Variants in SCAI observed in about 807,000 individuals in gnomAD.
The protein encoded by SCAI is suppressor of cancer cell invasion.
In SCAI, 24 loss-of-function variants were observed where a neutral mutation model predicts 92.2. The ratio of observed to expected loss-of-function variants is 0.26; its 90% CI spans 0.19 to 0.37. The LOEUF (loss-of-function observed/expected upper bound fraction) is 0.37, where lower values mean the gene tolerates loss of function less well. Ranked by LOEUF, SCAI falls within the 10% of genes least tolerant of loss-of-function variation. SCAI has a pLI of 1.00. For missense variants in SCAI, 450 were observed against 736.2 expected (o/e 0.61, Z 4.50); for synonymous variants, 261 against 258.6 (o/e 1.01, Z -0.09).
Position 125,143,420 on chromosome 9 carries a change from C to CCGGGCTCCTCTGACCAT in SCAI, c.1_17dup (p.Gln7TrpfsTer19), listed in dbSNP as rs1306603574. The CCGGGCTCCTCTGACCAT allele has an allele frequency of 7.1e-7, 1 of 1,399,396 alleles. No individual in the cohort carries two copies. The highest frequency in any genetic ancestry group is 1.5e-5 in the African/African-American group (1 of 67,002). 86.7% of individuals were successfully genotyped at this position (1,399,396 alleles called of 1,614,324 possible). ...GGCGACTCCGCGGCTGCTGGGGCTG[C>CCGGGCTCCTCTGACCAT]CGGGCTCCTCTGACCATCCGGCTCC... On this transcript the variant is annotated frameshift_variant, in exon 1 of 18. Coordinates refer to ENST00000336505, the MANE Select transcript of SCAI (RefSeq NM_001144877.3). LOFTEE classifies it high-confidence loss of function.
At chr9:125,104,551 A>G (rs948789406) in intron 2 of SCAI, among the ~76,000 whole-genome samples, 2 of 151,892 alleles carry the variant, frequency 1.3e-5, no homozygotes, top group Non-Finnish European at 2.9e-5. Context: ...AACAAAACAA[A>G]TATTGCACAA....
rs551878667 is a variant in SCAI, at chr9:124,989,973, G to A, written c.1326+4961C>T. On this transcript the variant is annotated intron_variant, in intron 14 of 17. Transcript: ENST00000336505. Reference sequence around the variant, plus strand: ...GTGAATCATCTGAGCTCAGGAGTTCGAGACCAGCCTGACCAACATGGAGAA... The same window carrying A: ...GTGAATCATCTGAGCTCAGGAGTTCAAGACCAGCCTGACCAACATGGAGAA... Among the ~76,000 whole-genome samples the A allele has an allele frequency of 6.6e-5, 10 of 151,350 alleles. No individual in the cohort carries two copies. In the South Asian group the frequency reaches 2.1e-3, roughly 32 times the overall value.
intron 14 of SCAI, among the ~76,000 whole-genome samples, chr9:124,991,722 A>G (rs1832128016): frequency 6.6e-6 from 1 of 152,002 alleles, no homozygotes; most frequent in Admixed American, 6.6e-5. Flanking sequence ...CTCTAGTCCC[A>G]GCTACTTGGG....
rs555743600 is a variant in SCAI at position 124,957,420 on chromosome 9, T to C, written c.1675-4467A>G. Among the ~76,000 whole-genome samples, 6 of 152,124 alleles carry C rather than the reference T, an allele frequency of 3.9e-5. No individual in the cohort carries two copies. The South Asian group carries it at 1.2e-3, about 32-fold the overall frequency. On this transcript the variant is annotated intron_variant, in intron 17 of 17. Transcript: ENST00000336505. ...CTCTGTTGCCCAGGCTGGAGTGCAG[T>C]GGTGCAATCTCGGCTCATTGCAACC... is the stretch of plus-strand genomic sequence containing the variant.
intron 17 of SCAI, among the ~76,000 whole-genome samples, chr9:124,955,202 G>A (rs1012609088): frequency 2.6e-5 from 4 of 150,956 alleles, no homozygotes; most frequent in African/African-American, 7.3e-5. Context: ...ATAAATGCTT[G>A]TGTTAGAAGA....
intron 17 of SCAI, among the ~76,000 whole-genome samples, chr9:124,957,167 T>C (rs539662762): frequency 6.6e-6 from 1 of 151,986 alleles, no homozygotes; most frequent in Admixed American, 6.6e-5. Context: ...TAATTTTTTG[T>C]ATTTTTTGTA....
At chr9:124,968,917 T>A in intron 17 of SCAI, 1 of 400,300 alleles carries the variant, frequency 2.5e-6, no homozygotes. Context: ...GTAGGAAATC[T>A]CCAAAATTTT....
chr9:124,970,814 T>A (rs998713375), intron 17 of SCAI, among the ~76,000 whole-genome samples: 1 of 152,142 alleles, frequency 6.6e-6, no homozygotes, highest in Non-Finnish European at 1.5e-5. Context: ...GTTCTACTTT[T>A]ATTTTTTTTA....
intron 2 of SCAI, among the ~76,000 whole-genome samples, chr9:125,136,518 T>C (rs1190369375): frequency 1.4e-5 from 2 of 138,778 alleles, no homozygotes; most frequent in African/African-American, 2.7e-5. Context: ...TGGAGTGCAA[T>C]GGCGTGGTCT....
chr9:125,049,257 T>C (rs1243456010), intron 3 of SCAI, among the ~76,000 whole-genome samples: 1 of 152,174 alleles, frequency 6.6e-6, no homozygotes, highest in Non-Finnish European at 1.5e-5. Flanking sequence ...TGTAGTCAAA[T>C]AATTAGTGAC....
intron 3 of SCAI, among the ~76,000 whole-genome samples, chr9:125,040,430 T>C (rs112000630): frequency 0.012 from 1,770 of 152,286 alleles, 25 homozygotes; most frequent in African/African-American, 0.039. Flanking sequence ...AGTTTTTCCA[T>C]TATTTTACAT....
chr9:124,950,139 C>T lies in SCAI; in HGVS notation c.*2668G>A, dbSNP rs551645895. The T allele has an allele frequency of 6.6e-6, 1 of 152,050 alleles. No individual in the cohort carries two copies. Among genetic ancestry groups the T allele is most frequent in the Non-Finnish European group, 1.5e-5 (1 of 67,990 alleles). 9.4% of individuals were successfully genotyped at this position (152,050 alleles called of 1,614,324 possible). On this transcript the variant is annotated 3_prime_UTR_variant, in exon 18 of 18. Coordinates refer to ENST00000336505, the MANE Select transcript of SCAI (RefSeq NM_001144877.3). ...AACAGCTAAGTGGGACCCAGATTTTCTTGAACAAAATCTAGGTAAATATGA... is the reference window on the plus strand; with the variant it reads ...AACAGCTAAGTGGGACCCAGATTTTTTTGAACAAAATCTAGGTAAATATGA...
Position 125,028,407 on chromosome 9 carries a change from A to G in SCAI, c.398T>C (p.Leu133Pro), listed in dbSNP as rs902467823. ...ATTTACTTACTAATAATGATAGTAT[A>G]GCTGCCCAATCTTGGAAGCAATTTC... The part of the protein sequence containing the change: ...IGEIASKIGQ[L>P]YYHYYLRTSE... Residue 133 changes from leucine to proline, a missense_variant, in exon 5 of 18, where the codon CTA becomes CCA. This residue lies in a region of SCAI where 360 missense variants were observed against 601.8 expected (regional missense o/e 0.60). Coordinates refer to ENST00000336505, the MANE Select transcript of SCAI (RefSeq NM_001144877.3). The G allele has an allele frequency of 6.3e-7, 1 of 1,584,098 alleles. No homozygotes were observed. The highest frequency in any genetic ancestry group is 8.6e-7 in the Non-Finnish European group (1 of 1,159,848).
At chr9:125,052,871 CCA>C (rs1491332934) in intron 3 of SCAI, among the ~76,000 whole-genome samples, 167 of 110,842 alleles carry the variant, frequency 1.5e-3, no homozygotes, top group African/African-American at 5.1e-3. Flanking sequence ...ATCAAAACCA[CCA>C]AGAGACACCA....
At chr9:125,125,192 G>T (rs1406604556) in intron 2 of SCAI, among the ~76,000 whole-genome samples, 1 of 152,086 alleles carries the variant, frequency 6.6e-6, no homozygotes, top group Non-Finnish European at 1.5e-5. Context: ...CTGCACTCCA[G>T]CCTGAGAGAC....
chr9:124,969,970 C>T (rs1448803488), intron 17 of SCAI, among the ~76,000 whole-genome samples: 1 of 152,130 alleles, frequency 6.6e-6, no homozygotes, highest in Non-Finnish European at 1.5e-5. Flanking sequence ...TCTCCTTCCT[C>T]AGCCTCCCGA....
intron 2 of SCAI, among the ~76,000 whole-genome samples, chr9:125,117,024 G>A (rs1184310359): frequency 6.6e-6 from 1 of 152,100 alleles, no homozygotes; most frequent in Non-Finnish European, 1.5e-5. Flanking sequence ...AAAATCTGAG[G>A]CCTGCAGGAA....
chr9:124,972,235 C>G (rs1831674312), intron 15 of SCAI, among the ~76,000 whole-genome samples: 1 of 152,170 alleles, frequency 6.6e-6, no homozygotes, highest in Non-Finnish European at 1.5e-5. Flanking sequence ...CCCTTCCTAT[C>G]TCTTAAATAT....
chr9:125,109,361 A>T (rs999947823), intron 2 of SCAI, among the ~76,000 whole-genome samples: 4 of 151,522 alleles, frequency 2.6e-5, no homozygotes, highest in East Asian at 1.9e-4. Flanking sequence ...CAATTTTAAA[A>T]AATAATAATA....
Sources: gnomAD v4.1 joint callset for allele counts (sites outside exome capture counted in the v4.1 genomes callset) on GRCh38, gnomAD v4.1.1 for gene constraint, gnomAD v4.1.1 regional missense constraint, MANE v1.5 for transcripts, NCBI Gene and HGNC (gene_info 2026-07-23, HGNC 2026-07-21) for gene names.